The following ME1 variants were observed in gnomAD, a reference collection of about 807,000 sequenced individuals.
ME1 encodes the protein NADP-dependent malic enzyme.
In ME1, 74 loss-of-function variants were observed where a neutral mutation model predicts 66.4. That is an observed-to-expected ratio of 1.11 (90% CI 0.92 to 1.35). ME1 has a LOEUF of 1.35. Ranked by LOEUF, ME1 falls within the 40% of genes most tolerant of loss-of-function variation. The pLI, the probability that ME1 is intolerant of heterozygous loss-of-function variation, is 0.00. For missense variants in ME1, 750 were observed against 694.1 expected, an observed-to-expected ratio of 1.08 and a Z score of -0.90; for synonymous variants, 251 against 235.6, an observed-to-expected ratio of 1.07 and a Z score of -0.60.
rs145805090 is a variant in ME1, at chr6:83,310,752, A to C, written c.704+4558T>G. Among the ~76,000 whole-genome samples the C allele has an allele frequency of 3.3e-4, 50 of 152,306 alleles. No homozygotes were observed. In the East Asian group the frequency reaches 8.9e-3, roughly 27 times the overall value. On this transcript the variant is annotated intron_variant, in intron 6 of 13. Coordinates refer to ENST00000369705, the MANE Select transcript of ME1 (RefSeq NM_002395.6). ...TAACTATAAGGACAATGGGAAAAAA[A>C]ACACAAAAAGCTCAGAGAAAGTAAT...
At chr6:83,302,854 G>A (rs1052329894) in intron 6 of ME1, among the ~76,000 whole-genome samples, 1 of 152,136 alleles carries the variant, frequency 6.6e-6, no homozygotes, top group Non-Finnish European at 1.5e-5. Context: ...AAGTGCATGG[G>A]CCAGATCACA....
intron 6 of ME1, among the ~76,000 whole-genome samples, chr6:83,291,046 A>G (rs1448205935): frequency 6.6e-6 from 1 of 152,142 alleles, no homozygotes; most frequent in East Asian, 1.9e-4. Flanking sequence ...TCAATACAGT[A>G]TACCACTGAG....
intron 2 of ME1, among the ~76,000 whole-genome samples, chr6:83,402,363 T>C (rs996279766): frequency 2.0e-5 from 3 of 152,176 alleles, no homozygotes; most frequent in Non-Finnish European, 4.4e-5. Context: ...AGTGTCACAC[T>C]AGCAAAATTT....
chr6:83,300,713 T>C (rs752004268), intron 6 of ME1, among the ~76,000 whole-genome samples: 1 of 145,100 alleles, frequency 6.9e-6, no homozygotes, highest in African/African-American at 2.6e-5. Flanking sequence ...ATCCAAAGGA[T>C]TGCAAATCAT....
intron 6 of ME1, among the ~76,000 whole-genome samples, chr6:83,267,826 C>G (rs1767014317): frequency 6.6e-6 from 1 of 152,050 alleles, no homozygotes; most frequent in Non-Finnish European, 1.5e-5. Context: ...TATGTGATAT[C>G]CATTGACAAT....
At chr6:83,246,989 TG>T (rs1210770685) in intron 7 of ME1, among the ~76,000 whole-genome samples, 1 of 152,176 alleles carries the variant, frequency 6.6e-6, no homozygotes, top group Non-Finnish European at 1.5e-5. Flanking sequence ...TTACTGGCCA[TG>T]GTATCCTTTT....
At chr6:83,361,330 A>C (rs915408237) in intron 3 of ME1, among the ~76,000 whole-genome samples, 8 of 152,246 alleles carry the variant, frequency 5.3e-5, no homozygotes, top group Non-Finnish European at 1.0e-4. Flanking sequence ...TACAACCAAG[A>C]AAAAGGCACA....
At chr6:83,369,659 GGAAGGAAGGAA>G (rs1769159006) in intron 3 of ME1, among the ~76,000 whole-genome samples, 1 of 70,200 alleles carries the variant, frequency 1.4e-5, no homozygotes, top group African/African-American at 5.3e-5. Flanking sequence ...GAGAGAGGAA[GGAAGGAAGGAA>G]CGAAGGAAGG....
intron 3 of ME1, among the ~76,000 whole-genome samples, chr6:83,378,042 G>C (rs1769325388): frequency 6.6e-6 from 1 of 151,942 alleles, no homozygotes; most frequent in Non-Finnish European, 1.5e-5. Context: ...CCATACCCAG[G>C]GGAGGAAGAA....
At chr6:83,387,297 A>G (rs1344287671) in intron 3 of ME1, among the ~76,000 whole-genome samples, 1 of 152,182 alleles carries the variant, frequency 6.6e-6, no homozygotes, top group Non-Finnish European at 1.5e-5. Context: ...CTTTGATAGT[A>G]TAATTATAAT....
intron 3 of ME1, among the ~76,000 whole-genome samples, chr6:83,357,935 CTATA>C (rs60624497): frequency 0.13 from 3,693 of 29,518 alleles, 273 homozygotes; most frequent in Non-Finnish European, 0.17. Flanking sequence ...CTCTCTCTCT[CTATA>C]TATATATATA....
chr6:83,412,745 G>C (rs1205574521), intron 1 of ME1, among the ~76,000 whole-genome samples: 1 of 152,136 alleles, frequency 6.6e-6, no homozygotes, highest in Non-Finnish European at 1.5e-5. Flanking sequence ...GCTACATACT[G>C]TATGATTCCA....
At chr6:83,246,597 G>C (rs1163596051) in intron 7 of ME1, among the ~76,000 whole-genome samples, 1 of 151,496 alleles carries the variant, frequency 6.6e-6, no homozygotes, top group Non-Finnish European at 1.5e-5. Context: ...CCATACTATG[G>C]GTATATGGTA....
At position 83,211,002 on chromosome 6, in the gene ME1, C is replaced by T. The variant is rs977279759; in HGVS notation, c.*922G>A. 2.6e-5 allele frequency: 4 copies of T among 152,224 alleles called. No individual in the cohort carries two copies. Among genetic ancestry groups the T allele is most frequent in the Non-Finnish European group, 5.9e-5 (4 of 68,036 alleles). The allele number at this position is 152,224 out of a possible 1,614,324, so 9.4% of individuals were successfully genotyped here. On this transcript the variant is annotated 3_prime_UTR_variant, in exon 14 of 14. Transcript: ENST00000369705. Reference sequence around the variant, plus strand: ...TACCTGAGTTAATTAAGAGGCCATTCTGGCAGGTAACTCCAGTAGGAACCT... The same window carrying T: ...TACCTGAGTTAATTAAGAGGCCATTTTGGCAGGTAACTCCAGTAGGAACCT...
intron 7 of ME1, among the ~76,000 whole-genome samples, chr6:83,251,091 T>C (rs1790715169): frequency 1.3e-5 from 2 of 152,228 alleles, no homozygotes; most frequent in Non-Finnish European, 2.9e-5. Flanking sequence ...TTCTGTGGGC[T>C]TGGGGCTATG....
At chr6:83,395,741 T>C (rs1769718661) in intron 3 of ME1, among the ~76,000 whole-genome samples, 2 of 151,816 alleles carry the variant, frequency 1.3e-5, no homozygotes, top group Non-Finnish European at 2.9e-5. Context: ...CCCAAAGTGC[T>C]GGGATTACAG....
intron 3 of ME1, among the ~76,000 whole-genome samples, chr6:83,352,692 A>G (rs1291804551): frequency 6.6e-6 from 1 of 152,132 alleles, no homozygotes; most frequent in African/African-American, 2.4e-5. Flanking sequence ...CAACTCTGTT[A>G]TTTACTCTAA....
intron 9 of ME1, among the ~76,000 whole-genome samples, chr6:83,234,119 C>T (rs1246141723): frequency 2.6e-5 from 4 of 152,166 alleles, no homozygotes; most frequent in South Asian, 2.1e-4. Flanking sequence ...ACTCTGGAAT[C>T]TCAGCTCAGT....
chr6:83,322,400 A>T (rs887057961), intron 5 of ME1, among the ~76,000 whole-genome samples: 4 of 152,152 alleles, frequency 2.6e-5, no homozygotes, highest in African/African-American at 9.7e-5. Context: ...GGAAGCTAAG[A>T]ACCTTGATAA....
Sources: allele counts gnomAD v4.1 joint callset (sites outside exome capture counted in the v4.1 genomes callset), GRCh38; gene constraint gnomAD v4.1.1; transcripts MANE v1.5; gene names NCBI Gene and HGNC (gene_info 2026-07-23, HGNC 2026-07-21).